GRM5: variants seen among roughly 807,000 people sequenced by gnomAD.
GRM5 encodes the protein metabotropic glutamate receptor 5.
A neutral mutation model predicts 83.1 loss-of-function variants in GRM5; 19 were observed. That is an observed-to-expected ratio of 0.23 (90% CI 0.16 to 0.34). The LOEUF (loss-of-function observed/expected upper bound fraction) is 0.34, where lower values mean the gene tolerates loss of function less well. Ranked by LOEUF, GRM5 falls within the 10% of genes least tolerant of loss-of-function variation. The pLI is 1.00. For synonymous variants in GRM5, 675 were observed against 633.6 expected, an observed-to-expected ratio of 1.07 and a Z score of -0.98; for missense variants, 1,160 against 1,588.3, an observed-to-expected ratio of 0.73 and a Z score of 4.58.
intron 2 of GRM5, among the ~76,000 whole-genome samples, chr11:88,908,773 T>C (rs1291525552): frequency 3.3e-5 from 5 of 152,188 alleles, no homozygotes; most frequent in Non-Finnish European, 7.4e-5. Context: ...ATATCTCAGT[T>C]CAACCTAAAA....
At chr11:88,832,900 A>G (rs1016260380) in intron 3 of GRM5, among the ~76,000 whole-genome samples, 2 of 152,162 alleles carry the variant, frequency 1.3e-5, no homozygotes, top group Admixed American at 6.5e-5. Flanking sequence ...TGCTGGGAGT[A>G]TTTGATATCC....
At chr11:88,694,953 C>T (rs1339874573) in intron 3 of GRM5, among the ~76,000 whole-genome samples, 4 of 152,094 alleles carry the variant, frequency 2.6e-5, no homozygotes, top group Non-Finnish European at 4.4e-5. Context: ...TTTTTAAACT[C>T]CTCAGTGAAG....
At chr11:88,618,371 T>A (rs1247659488) in intron 4 of GRM5, among the ~76,000 whole-genome samples, 2 of 152,228 alleles carry the variant, frequency 1.3e-5, no homozygotes, top group Non-Finnish European at 2.9e-5. Context: ...AAACTCAGAC[T>A]GTTGATACCA....
intron 2 of GRM5, among the ~76,000 whole-genome samples, chr11:88,946,698 T>G (rs1938293836): frequency 6.6e-6 from 1 of 152,110 alleles, no homozygotes. Flanking sequence ...TTGAAAAATT[T>G]TCTATGTCCT....
At chr11:88,872,174 C>T (rs1944780012) in intron 2 of GRM5, among the ~76,000 whole-genome samples, 1 of 151,454 alleles carries the variant, frequency 6.6e-6, no homozygotes, top group Admixed American at 6.6e-5. Context: ...ATGAAAGCTA[C>T]ATGTTTCAGA....
chr11:88,870,343 A>G (rs1329763566), intron 2 of GRM5, among the ~76,000 whole-genome samples: 3 of 151,560 alleles, frequency 2.0e-5, no homozygotes, highest in African/African-American at 7.2e-5. Context: ...AATAATATTT[A>G]AAAATATTTT....
rs1565351364 is a variant in GRM5, at chr11:89,047,950, G to A, written c.-78C>T. ...AGGGTTCTGATAGCTACGAACAAGCGATGTCCTACGTTGAGTCGCAAATCA... is the reference window on the plus strand; with the variant it reads ...AGGGTTCTGATAGCTACGAACAAGCAATGTCCTACGTTGAGTCGCAAATCA... On this transcript the variant is annotated 5_prime_UTR_variant, in exon 2 of 10. Coordinates refer to ENST00000305447, the MANE Select transcript of GRM5 (RefSeq NM_001143831.3). This position sits in a 1 kb window ranked among gnomAD's most constrained non-coding sequence, Gnocchi z 5.1. The A allele has an allele frequency of 7.7e-6, 8 of 1,044,282 alleles. No individual in the cohort carries two copies. Among genetic ancestry groups the A allele is most frequent in the South Asian group, 5.8e-5 (4 of 69,144 alleles). 64.7% of individuals were successfully genotyped at this position (1,044,282 alleles called of 1,614,324 possible).
At chr11:88,778,204 T>C (rs1219307805) in intron 3 of GRM5, among the ~76,000 whole-genome samples, 1 of 152,188 alleles carries the variant, frequency 6.6e-6, no homozygotes, top group Non-Finnish European at 1.5e-5. Context: ...GGCAGAGTGA[T>C]CTCAGACTGA....
chr11:88,572,146 G>C (rs750965997), intron 7 of GRM5, among the ~76,000 whole-genome samples: 1 of 152,166 alleles, frequency 6.6e-6, no homozygotes, highest in Non-Finnish European at 1.5e-5. Flanking sequence ...GACCTAGTGA[G>C]CTTTGAAAAG....
intron 3 of GRM5, among the ~76,000 whole-genome samples, chr11:88,707,977 C>G (rs541818710): frequency 6.6e-6 from 1 of 152,094 alleles, no homozygotes; most frequent in South Asian, 2.1e-4. Context: ...TCTTTTATCA[C>G]CTTCATGGAT....
At chr11:88,916,773 A>AAGAGT (rs71470782) in intron 2 of GRM5, among the ~76,000 whole-genome samples, 144,513 of 150,910 alleles carry the variant, frequency 0.96, 69,280 homozygotes, top group East Asian at 0.99. Context: ...AAAGAGAGAG[A>AAGAGT]AAAGAGAACT....
chr11:88,737,339 C>A (rs4753700), intron 3 of GRM5, among the ~76,000 whole-genome samples: 70,563 of 151,820 alleles, frequency 0.46, 18,356 homozygotes, highest in South Asian at 0.77. Context: ...ATGTTGAAGT[C>A]AAGAAGAGTG....
chr11:88,829,053 A>T (rs1438405861), intron 3 of GRM5, among the ~76,000 whole-genome samples: 2 of 152,100 alleles, frequency 1.3e-5, no homozygotes, highest in African/African-American at 2.4e-5. Flanking sequence ...ATCTTAAAAA[A>T]TTCTTAAAGA....
At chr11:88,713,615 T>G (rs912912288) in intron 3 of GRM5, among the ~76,000 whole-genome samples, 1 of 152,034 alleles carries the variant, frequency 6.6e-6, no homozygotes, top group African/African-American at 2.4e-5. Context: ...GCATGTTTTC[T>G]TGTACACTCA....
intron 3 of GRM5, among the ~76,000 whole-genome samples, chr11:88,737,395 T>C (rs1358747713): frequency 6.6e-6 from 1 of 152,054 alleles, no homozygotes; most frequent in Non-Finnish European, 1.5e-5. Flanking sequence ...AGGTATTCAA[T>C]GAACACTTAA....
In GRM5 at chr11:88,803,824, C is replaced by T. The variant is rs538639474; in HGVS notation, c.911+46082G>A. 2.6e-4 allele frequency among the ~76,000 whole-genome samples: 39 copies of T among 152,130 alleles called. No homozygotes were observed. The East Asian group carries it at 6.8e-3, about 26-fold the overall frequency. On this transcript the variant is annotated intron_variant, in intron 3 of 9. Transcript: ENST00000305447. ...TAATATCCAGAAGCTACAATGAACT[C>T]AAACAAATTTACAAGAAAAAAACAA...
At chr11:88,802,991 A>C (rs10765779) in intron 3 of GRM5, among the ~76,000 whole-genome samples, 37,973 of 114,738 alleles carry the variant, frequency 0.33, 8,477 homozygotes, top group African/African-American at 0.6. Flanking sequence ...ACATGAAGGA[A>C]CTCTTCAAGA....
chr11:88,781,084 T>G (rs1199308730), intron 3 of GRM5, among the ~76,000 whole-genome samples: 2 of 149,356 alleles, frequency 1.3e-5, no homozygotes, highest in South Asian at 4.2e-4. Context: ...AATTAGACAA[T>G]AGAGAAGCAA....
At chr11:88,536,140 G>C (rs931780647) in intron 8 of GRM5, among the ~76,000 whole-genome samples, 1 of 152,192 alleles carries the variant, frequency 6.6e-6, no homozygotes, top group African/African-American at 2.4e-5. Context: ...AAATGATTCA[G>C]CTCATAGTAC....
Sources: allele counts gnomAD v4.1 joint callset (sites outside exome capture counted in the v4.1 genomes callset), GRCh38; gene constraint gnomAD v4.1.1; non-coding constraint Gnocchi (gnomAD v3.1); transcripts MANE v1.5; gene names NCBI Gene and HGNC (gene_info 2026-07-23, HGNC 2026-07-21).